The following FMN2 variants were observed in gnomAD, a reference collection of about 807,000 sequenced individuals.
FMN2 encodes the protein formin-2.
A neutral mutation model predicts 142.3 loss-of-function variants in FMN2; 51 were observed. The observed-to-expected ratio is 0.36, with a 90% CI of 0.29 to 0.45. FMN2 has a LOEUF of 0.45. FMN2 is among the 20% of genes least tolerant of loss of function. FMN2 has a pLI of 1.00. For missense variants in FMN2, 1,936 were observed against 2,122.8 expected (o/e 0.91, Z 1.73); for synonymous variants, 882 against 869.8 (o/e 1.01, Z -0.25).
intron 2 of FMN2, among the ~76,000 whole-genome samples, chr1:240,130,722 C>T (rs375419500): frequency 6.6e-6 from 1 of 152,190 alleles, no homozygotes; most frequent in East Asian, 1.9e-4. Flanking sequence ...ACAAAGTTTT[C>T]GACTGCCTCT....
chr1:240,162,363 C>T (rs1664315445), intron 2 of FMN2, among the ~76,000 whole-genome samples: 1 of 151,888 alleles, frequency 6.6e-6, no homozygotes, highest in African/African-American at 2.4e-5. Context: ...ACTCAGGAGG[C>T]TGAGGCAGGA....
chr1:240,143,868 C>T (rs925782598), intron 2 of FMN2: 6 of 1,586,168 alleles, frequency 3.8e-6, no homozygotes, highest in Non-Finnish European at 4.3e-6. Flanking sequence ...TCTCCCATCA[C>T]AGGCAGCAGC....
intron 8 of FMN2, among the ~76,000 whole-genome samples, chr1:240,324,707 G>C (rs549037775): frequency 1.3e-5 from 2 of 150,946 alleles, no homozygotes; most frequent in South Asian, 4.2e-4. Context: ...GAGGGAGGGA[G>C]GGAGGGAAGA....
chr1:240,322,724 T>C (rs573342956), intron 8 of FMN2, among the ~76,000 whole-genome samples: 5 of 152,146 alleles, frequency 3.3e-5, no homozygotes, highest in Non-Finnish European at 7.4e-5. Flanking sequence ...GGAAGGGCAC[T>C]GTGGGGGATG....
intron 1 of FMN2, among the ~76,000 whole-genome samples, chr1:240,121,735 T>TAAAAAAAAAAAAAAAAAAA (rs71168898): frequency 3.9e-5 from 1 of 25,678 alleles, no homozygotes; most frequent in Non-Finnish European, 6.4e-5. Flanking sequence ...AGGGAAATAG[T>TAAAAAAAAAAAAAAAAAAA]AAAAAAAAAA....
intron 13 of FMN2, among the ~76,000 whole-genome samples, chr1:240,336,015 T>C (rs914483567): frequency 2.0e-5 from 3 of 151,976 alleles, no homozygotes; most frequent in Admixed American, 6.6e-5. Flanking sequence ...TGGTGGCACA[T>C]ATCTGTAATC....
chr1:240,348,069 T>C (rs1671968479), intron 13 of FMN2, among the ~76,000 whole-genome samples: 1 of 152,172 alleles, frequency 6.6e-6, no homozygotes, highest in South Asian at 2.1e-4. Context: ...TACGCAGTAA[T>C]TGGATTGCTG....
At chr1:240,181,193 G>C (rs542675225) in intron 3 of FMN2, among the ~76,000 whole-genome samples, 1 of 151,294 alleles carries the variant, frequency 6.6e-6, no homozygotes, top group Admixed American at 6.6e-5. Flanking sequence ...TTGTAGAAAC[G>C]GGGTTTCACC....
intron 7 of FMN2, among the ~76,000 whole-genome samples, chr1:240,286,803 C>G (rs1669605792): frequency 6.6e-6 from 1 of 152,114 alleles, no homozygotes. Context: ...AAGATTTAGA[C>G]CATCTATTTA....
chr1:240,472,480 T>C, intron 17 of FMN2, 27 bp downstream of exon 17: 1 of 1,482,300 alleles, frequency 6.7e-7, no homozygotes, highest in East Asian at 2.3e-5. Context: ...TTTAACTTGT[T>C]ATTTTCTTTG....
intron 8 of FMN2, among the ~76,000 whole-genome samples, chr1:240,325,343 C>CAAAAAA (rs5782134): frequency 0.022 from 2,336 of 107,892 alleles, 48 homozygotes; most frequent in African/African-American, 0.024. Context: ...ACCCTGTCTC[C>CAAAAAA]AAAAAAAAAA....
At chr1:240,245,429 A>G in intron 6 of FMN2, 1 of 449,676 alleles carries the variant, frequency 2.2e-6, no homozygotes. Context: ...AGGAAGCATC[A>G]GTGGAACTTG....
intron 6 of FMN2, among the ~76,000 whole-genome samples, chr1:240,236,392 G>A (rs924420981): frequency 6.6e-6 from 1 of 152,178 alleles, no homozygotes; most frequent in South Asian, 2.1e-4. Flanking sequence ...CTCGTCGCCA[G>A]CATTAAAGAT....
intron 6 of FMN2, among the ~76,000 whole-genome samples, chr1:240,244,903 T>C (rs1435820938): frequency 6.6e-6 from 1 of 152,222 alleles, no homozygotes; most frequent in Non-Finnish European, 1.5e-5. Flanking sequence ...TTAAACAAGG[T>C]TTACTTATTC....
intron 2 of FMN2, chr1:240,143,006 C>T: frequency 1.3e-6 from 2 of 1,535,536 alleles, no homozygotes; most frequent in South Asian, 2.2e-5. Context: ...GCACGGTGAG[C>T]AGCCCAGCCA....
chr1:240,192,549 A>G (rs1665739530), intron 4 of FMN2, among the ~76,000 whole-genome samples: 1 of 152,208 alleles, frequency 6.6e-6, no homozygotes. Context: ...GTAAATAACT[A>G]AAATAAGGCG....
intron 6 of FMN2, 121 bp downstream of exon 6, chr1:240,211,356 A>C (rs1666686131): frequency 2.2e-6 from 2 of 897,940 alleles, no homozygotes; most frequent in Admixed American, 4.8e-5. Flanking sequence ...TTAGGCAGAC[A>C]GCAAGGGTTA....
chr1:240,212,312 C>A (rs536986151), intron 6 of FMN2, among the ~76,000 whole-genome samples: 8 of 152,170 alleles, frequency 5.3e-5, no homozygotes, highest in African/African-American at 1.9e-4. Context: ...GACAGCTAGA[C>A]CCCTGTGACC....
intron 13 of FMN2, among the ~76,000 whole-genome samples, chr1:240,346,527 TTGTAGTTA>T (rs1671913909): frequency 1.3e-5 from 2 of 152,156 alleles, no homozygotes; most frequent in Non-Finnish European, 2.9e-5. Flanking sequence ...AAGTTAAAGG[TTGTAGTTA>T]CCTCTGGGCC....
Sources: allele counts gnomAD v4.1 joint callset (sites outside exome capture counted in the v4.1 genomes callset), GRCh38; gene constraint gnomAD v4.1.1; transcripts MANE v1.5; gene names NCBI Gene and HGNC (gene_info 2026-07-23, HGNC 2026-07-21).